ACSM3: variants seen among roughly 807,000 people sequenced by gnomAD.
ACSM3 encodes acyl-CoA synthetase medium chain family member 3.
Under a neutral mutation model 74.1 loss-of-function variants are expected in ACSM3, and 61 were observed. The ratio of observed to expected loss-of-function variants is 0.82; its 90% CI spans 0.67 to 1.02. ACSM3 has a LOEUF of 1.02. Ranked by LOEUF, ACSM3 falls within the 50% of genes least tolerant of loss-of-function variation. The probability of loss-of-function intolerance (pLI) is 0.00; values close to 1 mark genes in which losing one functional copy is unlikely to be tolerated. For missense variants in ACSM3, 660 were observed against 697.0 expected, an observed-to-expected ratio of 0.95 and a Z score of 0.60; for synonymous variants, 213 against 241.5, an observed-to-expected ratio of 0.88 and a Z score of 1.09.
chr16:20,717,996 G>T (rs899564355), intron 1 of ACSM3, among the ~76,000 whole-genome samples: 2 of 149,302 alleles, frequency 1.3e-5, no homozygotes, highest in Non-Finnish European at 3.0e-5. Context: ...AGAAGAAGAA[G>T]AAGAAGAAGA....
chr16:20,783,705 TCC>T (rs1172492202), intron 7 of ACSM3: 1 of 152,194 alleles, frequency 6.6e-6, no homozygotes, highest in East Asian at 1.9e-4. Context: ...TCAAACCTTG[TCC>T]CCAGTGACCC....
At position 20,717,841 on chromosome 16, in the gene ACSM3, A is replaced by G. The variant is rs150794433; in HGVS notation, c.-189-32069A>G. On this transcript the variant is annotated intron_variant, in intron 1 of 3. Coordinates refer to the ACSM3 transcript ENST00000561584. ...AGAAGAGGAAGGAAGAAGGAAGAAGAAGGAGGAGGAAGAGGAGGAGAAGGA... is the reference window on the plus strand; with the variant it reads ...AGAAGAGGAAGGAAGAAGGAAGAAGGAGGAGGAGGAAGAGGAGGAGAAGGA... Among the ~76,000 whole-genome samples, 27 of 149,940 alleles carry G rather than the reference A, an allele frequency of 1.8e-4. No individual in the cohort carries two copies. The East Asian group carries it at 3.9e-3, about 22-fold the overall frequency.
chr16:20,738,400 C>T (rs528078825), intron 1 of ACSM3: 1 of 319,316 alleles, frequency 3.1e-6, no homozygotes, highest in East Asian at 7.5e-5. Context: ...ATCTCAGACC[C>T]AAGAGGAATC....
intron 12 of ACSM3, among the ~76,000 whole-genome samples, chr16:20,793,668 G>A (rs1486641289): frequency 6.6e-6 from 1 of 152,156 alleles, no homozygotes; most frequent in African/African-American, 2.4e-5. Context: ...TTGTCAAGTT[G>A]CTAGGATGAC....
At chr16:20,755,405 C>A (rs996377336) in intron 2 of ACSM3, among the ~76,000 whole-genome samples, 5 of 151,652 alleles carry the variant, frequency 3.3e-5, no homozygotes, top group African/African-American at 1.2e-4. Context: ...CTTCAGTGAA[C>A]AATTAGGTAT....
chr16:20,754,201 G>GTTT (rs2080011192), intron 2 of ACSM3, among the ~76,000 whole-genome samples: 1 of 152,230 alleles, frequency 6.6e-6, no homozygotes, highest in African/African-American at 2.4e-5. Flanking sequence ...GGGAGAAGGA[G>GTTT]AGGTACTAGT....
chr16:20,694,947 T>C (rs1166277773), intron 1 of ACSM3, among the ~76,000 whole-genome samples: 1 of 152,206 alleles, frequency 6.6e-6, no homozygotes, highest in African/African-American at 2.4e-5. Context: ...AAAACCACCC[T>C]GATCTTGGAC....
At chr16:20,693,910 C>T (rs922094254) in intron 1 of ACSM3, among the ~76,000 whole-genome samples, 7 of 152,200 alleles carry the variant, frequency 4.6e-5, no homozygotes, top group Non-Finnish European at 1.5e-5. Flanking sequence ...TAAATAGTAA[C>T]TTCTCTTAAA....
Position 20,797,383 on chromosome 16 carries a change from T to C in ACSM3, c.*411T>C. ...ACTTATAAAAGTTTTTAGAAAAATA[T>C]AAAATATCAGTTAGAAGATTATGAT... On this transcript the variant is annotated 3_prime_UTR_variant, in exon 14 of 14. Coordinates refer to ENST00000289416, the MANE Select transcript of ACSM3 (RefSeq NM_005622.4). The C allele has an allele frequency of 1.0e-6, 1 of 985,872 alleles. No individual in the cohort carries two copies. Among genetic ancestry groups the C allele is most frequent in the East Asian group, 9.7e-5 (1 of 10,316 alleles). 61.1% of individuals were successfully genotyped at this position (985,872 alleles called of 1,614,324 possible).
chr16:20,774,042 T>C (rs1260101189), intron 2 of ACSM3, among the ~76,000 whole-genome samples: 5 of 152,196 alleles, frequency 3.3e-5, no homozygotes, highest in Non-Finnish European at 7.3e-5. Flanking sequence ...TGCACTGATG[T>C]TGGGTGCGTA....
intron 1 of ACSM3, among the ~76,000 whole-genome samples, chr16:20,695,446 A>G (rs1445281014): frequency 2.0e-5 from 3 of 152,180 alleles, no homozygotes; most frequent in Non-Finnish European, 2.9e-5. Flanking sequence ...AGAGGAAAAA[A>G]ATTTCCTTAA....
chr16:20,749,703 A>C (rs1292505077), intron 1 of ACSM3: 1 of 152,380 alleles, frequency 6.6e-6, no homozygotes. Context: ...GTATATGTGC[A>C]TATCTGGTAC....
chr16:20,686,591 AC>A (rs2079558148), intron 1 of ACSM3, among the ~76,000 whole-genome samples: 1 of 152,186 alleles, frequency 6.6e-6, no homozygotes. Flanking sequence ...TACCTACATA[AC>A]AAACCTACAT....
chr16:20,690,979 T>A, intron 1 of ACSM3: 1 of 1,601,102 alleles, frequency 6.2e-7, no homozygotes, highest in Non-Finnish European at 8.5e-7. Flanking sequence ...TATATCGCCA[T>A]CACGGCAGAT....
At chr16:20,796,250 T>C (rs1419781533) in intron 12 of ACSM3, 120 bp from the exon 13 acceptor site, 1 of 1,461,928 alleles carries the variant, frequency 6.8e-7, no homozygotes, top group African/African-American at 1.4e-5. Context: ...GGATCAAACT[T>C]TATTAAAACA....
In ACSM3 at chr16:20,685,840, A is replaced by AAG; in HGVS notation, c.-190+11019_-190+11020insGA. On this transcript the variant is annotated intron_variant, in intron 1 of 3. Coordinates refer to the ACSM3 transcript ENST00000561584. ...GTCTCAAAAAAAAAAAACAAACAAAAAAAAAACAAAAAACTTATAGCATCA... is the reference window on the plus strand; with the variant it reads ...GTCTCAAAAAAAAAAAACAAACAAAAAGAAAAAACAAAAAACTTATAGCATCA... Among the ~76,000 whole-genome samples the AAG allele has an allele frequency of 1.6e-5, 2 of 123,596 alleles. 1 individual carries two copies. Among genetic ancestry groups the AAG allele is most frequent in the Non-Finnish European group, 3.8e-5 (2 of 52,634 alleles). The allele number at this position is 123,596 out of a possible 152,430, so 81.1% of individuals were successfully genotyped here. A position where few individuals can be genotyped will look rare whatever the true frequency, so the allele number is the denominator to read the frequency against.
intron 1 of ACSM3, chr16:20,741,886 C>T: frequency 6.5e-7 from 1 of 1,534,822 alleles, no homozygotes; most frequent in Non-Finnish European, 8.7e-7. Flanking sequence ...GCGCCAGGTC[C>T]TAAGGCCGGT....
chr16:20,774,551 G>GT (rs1164072518), intron 2 of ACSM3, among the ~76,000 whole-genome samples: 2 of 152,146 alleles, frequency 1.3e-5, no homozygotes, highest in African/African-American at 2.4e-5. Flanking sequence ...CTATCTATGT[G>GT]TATCTTTACA....
At chr16:20,722,661 A>C (rs2079789978) in intron 1 of ACSM3, among the ~76,000 whole-genome samples, 1 of 152,234 alleles carries the variant, frequency 6.6e-6, no homozygotes, top group Non-Finnish European at 1.5e-5. Flanking sequence ...TCAATACTAT[A>C]CATGAATACG....
Sources: gnomAD v4.1 joint callset for allele counts (sites outside exome capture counted in the v4.1 genomes callset) on GRCh38, gnomAD v4.1.1 for gene constraint, MANE v1.5 for transcripts, NCBI Gene and HGNC (gene_info 2026-07-23, HGNC 2026-07-21) for gene names.